Variants in CADM1 observed in about 807,000 individuals in gnomAD.
The protein encoded by CADM1 is TSLC-1.
CADM1 carries 15 observed loss-of-function variants against 53.1 expected under a neutral mutation model. That is an observed-to-expected ratio of 0.28 (90% CI 0.19 to 0.44). The LOEUF is 0.44. CADM1 is among the 20% of genes least tolerant of loss of function. The pLI, the probability that CADM1 is intolerant of heterozygous loss-of-function variation, is 1.00. For missense variants in CADM1, 434 were observed against 611.3 expected (o/e 0.71, Z 3.06); for synonymous variants, 281 against 243.0 (o/e 1.16, Z -1.45).
At chr11:115,244,890 C>T (rs531432486) in intron 1 of CADM1, among the ~76,000 whole-genome samples, 2 of 152,306 alleles carry the variant, frequency 1.3e-5, no homozygotes, top group East Asian at 3.9e-4. Context: ...TTTCAGTGCT[C>T]GGCACTCTGC....
chr11:115,209,532 T>C, intron 8 of CADM1, 42 bp downstream of exon 8: 5 of 1,611,098 alleles, frequency 3.1e-6, no homozygotes, highest in South Asian at 1.1e-5. Context: ...AGAAAGACAA[T>C]ATACATTCAG....
At chr11:115,270,823 C>G (rs969746944) in intron 1 of CADM1, among the ~76,000 whole-genome samples, 3 of 152,114 alleles carry the variant, frequency 2.0e-5, no homozygotes, top group African/African-American at 7.2e-5. Context: ...GAGAACATTC[C>G]CACTTTCTCT....
At chr11:115,298,042 G>T (rs1288688859) in intron 1 of CADM1, among the ~76,000 whole-genome samples, 3 of 152,180 alleles carry the variant, frequency 2.0e-5, no homozygotes, top group African/African-American at 4.8e-5. Context: ...TGCAGTTTGT[G>T]AATTGTTACA....
chr11:115,321,186 C>T (rs1944816382), intron 1 of CADM1, among the ~76,000 whole-genome samples: 1 of 152,130 alleles, frequency 6.6e-6, no homozygotes, highest in South Asian at 2.1e-4. Context: ...AAGAATCTGA[C>T]CTAGGCAGTC....
intron 1 of CADM1, among the ~76,000 whole-genome samples, chr11:115,288,088 TGAAGGAGACAG>T (rs1943779720): frequency 1.3e-5 from 2 of 152,126 alleles, no homozygotes; most frequent in South Asian, 4.1e-4. Flanking sequence ...CTGGAGCATG[TGAAGGAGACAG>T]CCAAGTGAAT....
Position 115,176,067 on chromosome 11 carries a change from A to C in CADM1, c.*407T>G. ...AAGAGTCTAAGGAATCCCAGCAGGC[A>C]AATTCCAAAATGGGAGATTTTGGAA... On this transcript the variant is annotated 3_prime_UTR_variant, in exon 12 of 12. Transcript: ENST00000331581. 9.2e-7 allele frequency: 1 copy of C among 1,086,366 alleles called. No homozygotes were observed. Among genetic ancestry groups the C allele is most frequent in the Non-Finnish European group, 1.1e-6 (1 of 890,852 alleles). The allele number at this position is 1,086,366 out of a possible 1,614,324, so 67.3% of individuals were successfully genotyped here. A position where few individuals can be genotyped will look rare whatever the true frequency, so the allele number is the denominator to read the frequency against.
intron 1 of CADM1, chr11:115,340,147 T>A (rs1207328702): frequency 6.6e-6 from 1 of 152,158 alleles, no homozygotes; most frequent in East Asian, 1.9e-4. Flanking sequence ...TGGAGTCCAC[T>A]GCAATCATGT....
At chr11:115,256,297 T>G (rs967049267) in intron 1 of CADM1, among the ~76,000 whole-genome samples, 2 of 152,170 alleles carry the variant, frequency 1.3e-5, no homozygotes, top group African/African-American at 4.8e-5. Flanking sequence ...AACCAAAGTT[T>G]AAGAGAAATA....
intron 1 of CADM1, among the ~76,000 whole-genome samples, chr11:115,430,689 G>GCCTCATT (rs1948024886): frequency 2.0e-5 from 3 of 152,126 alleles, no homozygotes. Flanking sequence ...CTTTTTCAAT[G>GCCTCATT]GAAAGCAGAG....
At position 115,170,396 on chromosome 11, in the gene CADM1, C is replaced by T. The variant is rs1487753297; in HGVS notation, c.*6078G>A. 1 of 152,130 alleles carries T rather than the reference C, an allele frequency of 6.6e-6. No homozygotes were observed. The highest frequency in any genetic ancestry group is 1.5e-5 in the Non-Finnish European group (1 of 68,026). 9.4% of individuals were successfully genotyped at this position (152,130 alleles called of 1,614,324 possible). On this transcript the variant is annotated 3_prime_UTR_variant, in exon 12 of 12. Transcript: ENST00000331581. Reference sequence around the variant, plus strand: ...AATAGGCAAGGCTCGAGTTGTATTTCCCAGCACTGACCACCAGGGGCAGTA... The same window carrying T: ...AATAGGCAAGGCTCGAGTTGTATTTTCCAGCACTGACCACCAGGGGCAGTA...
chr11:115,459,938 T>C (rs1948759391), intron 1 of CADM1, among the ~76,000 whole-genome samples: 1 of 152,222 alleles, frequency 6.6e-6, no homozygotes, highest in Non-Finnish European at 1.5e-5. Context: ...ATATATAATT[T>C]GTTTAAGCTT....
At position 115,258,252 on chromosome 11, in the gene CADM1, C is replaced by T. The variant is rs45538440; in HGVS notation, c.125-17832G>A. ...TTTTTCTGCTGCCCATTACTAGTAC[C>T]GTATCAGCTCAGATTTATGATCTGC... On this transcript the variant is annotated intron_variant, in intron 1 of 11. Coordinates refer to ENST00000331581, the MANE Select transcript of CADM1 (RefSeq NM_001301043.2). Among the ~76,000 whole-genome samples, 977 of 152,200 alleles carry T rather than the reference C, an allele frequency of 6.4e-3. 5 individuals carry two copies. Among genetic ancestry groups the T allele is most frequent in the Non-Finnish European group, 8.0e-3 (546 of 68,008 alleles).
intron 1 of CADM1, among the ~76,000 whole-genome samples, chr11:115,487,172 TA>T (rs1949392657): frequency 6.6e-6 from 1 of 152,202 alleles, no homozygotes; most frequent in Admixed American, 6.5e-5. Flanking sequence ...TTTAAAAAAG[TA>T]AAACACTTTT....
At chr11:115,278,673 G>C (rs1240388449) in intron 1 of CADM1, among the ~76,000 whole-genome samples, 2 of 152,150 alleles carry the variant, frequency 1.3e-5, no homozygotes, top group Non-Finnish European at 2.9e-5. Flanking sequence ...TTTGTAAGAA[G>C]GACTGAATGT....
In CADM1 at chr11:115,169,987, T is replaced by C. The variant is rs1401457302; in HGVS notation, c.*6487A>G. The C allele has an allele frequency of 2.1e-5, 4 of 191,484 alleles. No homozygotes were observed. The highest frequency in any genetic ancestry group is 4.4e-5 in the Non-Finnish European group (4 of 90,988). The allele number at this position is 191,484 out of a possible 1,614,324, so 11.9% of individuals were successfully genotyped here. ...TGAAATATCAATTACGGATCAATTT[T>C]CCCCCTAAGTAAACACTAATGCAGG... On this transcript the variant is annotated 3_prime_UTR_variant, in exon 12 of 12. Transcript: ENST00000331581.
chr11:115,458,793 G>A (rs1424699657), intron 1 of CADM1, among the ~76,000 whole-genome samples: 1 of 151,972 alleles, frequency 6.6e-6, no homozygotes, highest in African/African-American at 2.4e-5. Flanking sequence ...TCAGATAAAA[G>A]ACTAGCCCAG....
At chr11:115,465,782 A>G (rs987167418) in intron 1 of CADM1, among the ~76,000 whole-genome samples, 1 of 137,752 alleles carries the variant, frequency 7.3e-6, no homozygotes, top group African/African-American at 2.5e-5. Context: ...AGCCTCTATA[A>G]CTTTTTACAG....
intron 1 of CADM1, among the ~76,000 whole-genome samples, chr11:115,385,704 T>A (rs1379357070): frequency 6.6e-6 from 1 of 151,238 alleles, no homozygotes; most frequent in African/African-American, 2.4e-5. Flanking sequence ...TTTTGCAATC[T>A]GCCAGAAAAT....
intron 5 of CADM1, among the ~76,000 whole-genome samples, chr11:115,225,722 C>T (rs1190543661): frequency 2.0e-5 from 3 of 152,162 alleles, no homozygotes; most frequent in African/African-American, 4.8e-5. Context: ...TTCTTTTTAT[C>T]CTTCCTCTCT....
Sources: allele counts gnomAD v4.1 joint callset (sites outside exome capture counted in the v4.1 genomes callset), GRCh38; gene constraint gnomAD v4.1.1; transcripts MANE v1.5; gene names NCBI Gene and HGNC (gene_info 2026-07-23, HGNC 2026-07-21).